The following GLIS3 variants were observed in gnomAD, a reference collection of about 807,000 sequenced individuals.
GLIS3 encodes GLIS family zinc finger 3, also known as zinc finger protein GLIS3.
A neutral mutation model predicts 78.6 loss-of-function variants in GLIS3; 53 were observed. The ratio of observed to expected loss-of-function variants is 0.67; its 90% CI spans 0.54 to 0.85. The LOEUF (loss-of-function observed/expected upper bound fraction) is 0.85. GLIS3 is among the 40% of genes least tolerant of loss of function. The pLI is 0.00. For synonymous variants in GLIS3, 684 were observed against 509.9 expected, an observed-to-expected ratio of 1.34 and a Z score of -4.60; for missense variants, 1,703 against 1,231.1, an observed-to-expected ratio of 1.38 and a Z score of -5.74.
At chr9:4,311,361 A>G (rs559295113) in intron 2 of GLIS3, among the ~76,000 whole-genome samples, 1 of 152,232 alleles carries the variant, frequency 6.6e-6, no homozygotes, top group Non-Finnish European at 1.5e-5. Context: ...GTGAGTTGAG[A>G]TAGCACCACT....
At chr9:4,112,745 T>C (rs1831321509) in intron 4 of GLIS3, among the ~76,000 whole-genome samples, 1 of 152,208 alleles carries the variant, frequency 6.6e-6, no homozygotes, top group Non-Finnish European at 1.5e-5. Flanking sequence ...TGGCTTTCAT[T>C]TATTTTTAGA....
rs373296222 is a variant in GLIS3, at chr9:4,230,466, C to T, written c.388+55572G>A. On this transcript the variant is annotated intron_variant, in intron 2 of 10. Coordinates refer to ENST00000381971, the MANE Select transcript of GLIS3 (RefSeq NM_001042413.2). ...CTCTGAAAATACCCAGATAGCCACA[C>T]ATTTGTAAAAGAAAGCGATAGAAAA... Among the ~76,000 whole-genome samples the T allele has an allele frequency of 2.0e-4, 30 of 152,246 alleles. 1 individual carries two copies. In the South Asian group the frequency reaches 5.8e-3, roughly 29 times the overall value.
chr9:4,068,657 T>C (rs757683954), intron 4 of GLIS3, among the ~76,000 whole-genome samples: 3 of 152,274 alleles, frequency 2.0e-5, no homozygotes, highest in Non-Finnish European at 4.4e-5. Context: ...CCATTTGTCA[T>C]CACCTGCAAA....
At chr9:4,023,245 G>C (rs903006115) in intron 4 of GLIS3, among the ~76,000 whole-genome samples, 1 of 152,120 alleles carries the variant, frequency 6.6e-6, no homozygotes, top group African/African-American at 2.4e-5. Flanking sequence ...TAGATTCTAA[G>C]TTCCTGGTAC....
At chr9:4,270,890 T>G (rs1399779846) in intron 2 of GLIS3, among the ~76,000 whole-genome samples, 5 of 1,810 alleles carry the variant, frequency 2.8e-3, no homozygotes, top group South Asian at 9.0e-3. Context: ...ATCTGTGTGG[T>G]GTGTGTGTGT....
At chr9:4,190,278 C>G (rs1818215856) in intron 2 of GLIS3, among the ~76,000 whole-genome samples, 2 of 152,096 alleles carry the variant, frequency 1.3e-5, no homozygotes, top group African/African-American at 4.8e-5. Context: ...AAGTTAAAAA[C>G]TTTGAAAAAA....
chr9:4,440,326 T>A, the GLIS3 span, among the ~76,000 whole-genome samples: 2 of 152,206 alleles, frequency 1.3e-5, no homozygotes, highest in Non-Finnish European at 2.9e-5. Flanking sequence ...TCATTTGGGG[T>A]CTTAGACTTA....
At chr9:4,072,131 C>G (rs56708227) in intron 4 of GLIS3, among the ~76,000 whole-genome samples, 3 of 152,194 alleles carry the variant, frequency 2.0e-5, no homozygotes. Context: ...AACCCTTTAT[C>G]CTTTACTTCC....
chr9:4,407,794 C>G, the GLIS3 span, among the ~76,000 whole-genome samples: 1 of 151,940 alleles, frequency 6.6e-6, no homozygotes, highest in Non-Finnish European at 1.5e-5. Flanking sequence ...AGCTTCTGCA[C>G]AACAAAGAAA....
chr9:4,435,800 T>A, the GLIS3 span, among the ~76,000 whole-genome samples: 5 of 152,078 alleles, frequency 3.3e-5, no homozygotes, highest in Non-Finnish European at 7.4e-5. Context: ...ATACAAAAAA[T>A]TAGCCGGGCG....
chr9:3,948,842 G>C (rs1170139335), intron 4 of GLIS3, among the ~76,000 whole-genome samples: 2 of 152,132 alleles, frequency 1.3e-5, no homozygotes, highest in African/African-American at 4.8e-5. Context: ...TCATCTTACA[G>C]AGCCAACAAT....
At chr9:4,115,073 C>G (rs143177755) in intron 4 of GLIS3, among the ~76,000 whole-genome samples, 135 of 152,286 alleles carry the variant, frequency 8.9e-4, no homozygotes, top group African/African-American at 3.1e-3. Context: ...AGCAAGCCGT[C>G]ACTGAGTAGC....
intron 4 of GLIS3, among the ~76,000 whole-genome samples, chr9:4,050,033 A>G (rs1178219743): frequency 6.6e-6 from 1 of 152,198 alleles, no homozygotes; most frequent in African/African-American, 2.4e-5. Flanking sequence ...TGTGGAAGAC[A>G]GTGTGGCAAT....
intron 2 of GLIS3, among the ~76,000 whole-genome samples, chr9:4,318,961 C>T (rs961100790): frequency 3.3e-5 from 5 of 152,152 alleles, no homozygotes; most frequent in African/African-American, 1.2e-4. Flanking sequence ...CATGGTATTC[C>T]TGCCAAAAAT....
chr9:3,832,258 A>C (rs1818091709), intron 9 of GLIS3, among the ~76,000 whole-genome samples: 1 of 151,100 alleles, frequency 6.6e-6, no homozygotes, highest in South Asian at 2.1e-4. Context: ...TTGCTAAATA[A>C]AAAATAAAAT....
chr9:4,081,703 C>G lies in GLIS3; in HGVS notation c.1710+36065G>C, dbSNP rs150736185. Among the ~76,000 whole-genome samples the G allele has an allele frequency of 2.7e-3, 412 of 152,330 alleles. 5 individuals carry two copies. In the East Asian group the frequency reaches 0.039, roughly 15 times the overall value. On this transcript the variant is annotated intron_variant, in intron 4 of 10. Transcript: ENST00000381971. The stretch of plus-strand genomic sequence containing the variant: ...TACATTTCCCCAACTAGACTATAAA[C>G]TCCTCACTGCCAGACTCTGAATCGG...
At chr9:3,960,133 T>C (rs143347582) in intron 4 of GLIS3, among the ~76,000 whole-genome samples, 1 of 152,064 alleles carries the variant, frequency 6.6e-6, no homozygotes, top group Non-Finnish European at 1.5e-5. Context: ...CAAGACTCCA[T>C]CTAAAACAAA....
chr9:4,269,151 A>G (rs992510168), intron 2 of GLIS3, among the ~76,000 whole-genome samples: 3 of 152,208 alleles, frequency 2.0e-5, no homozygotes, highest in Non-Finnish European at 4.4e-5. Flanking sequence ...TTCATGTGAA[A>G]CATGTTAAAA....
chr9:4,390,389 AGGGTCTT>A, the GLIS3 span, among the ~76,000 whole-genome samples: 44 of 151,492 alleles, frequency 2.9e-4, no homozygotes, highest in Admixed American at 5.9e-4. Flanking sequence ...TTTTTTAAAC[AGGGTCTT>A]GCTCAGCCTC....
Sources: gnomAD v4.1 joint callset for allele counts (sites outside exome capture counted in the v4.1 genomes callset) on GRCh38, gnomAD v4.1.1 for gene constraint, MANE v1.5 for transcripts, NCBI Gene and HGNC (gene_info 2026-07-23, HGNC 2026-07-21) for gene names.